Variants in WDPCP observed in about 807,000 individuals in gnomAD.
WDPCP encodes WD repeat containing planar cell polarity effector.
WDPCP carries 71 observed loss-of-function variants against 93.1 expected under a neutral mutation model. The observed-to-expected ratio is 0.76, with a 90% CI of 0.63 to 0.93. The LOEUF is 0.93. Among genes scored for constraint, WDPCP ranks in the 40% least tolerant of loss-of-function variants. The pLI, the probability that WDPCP is intolerant of heterozygous loss-of-function variation, is 0.00. For missense variants in WDPCP, 844 were observed against 887.4 expected, an observed-to-expected ratio of 0.95 and a Z score of 0.62; for synonymous variants, 315 against 315.0, an observed-to-expected ratio of 1.00 and a Z score of 0.00.
Position 63,554,257 on chromosome 2 carries a change from C to T in WDPCP, c.75+33940G>A, listed in dbSNP as rs371543155. On this transcript the variant is annotated intron_variant, in intron 1 of 17. Coordinates refer to ENST00000272321, the MANE Select transcript of WDPCP (RefSeq NM_015910.7). ...TATGTTTCCTTGGAATTAGATGTGG[C>T]TTATGTATTTTTGGCAAGAATACTG... Among the ~76,000 whole-genome samples the T allele has an allele frequency of 6.6e-5, 10 of 152,252 alleles. No individual in the cohort carries two copies. The East Asian group carries it at 9.6e-4, about 15-fold the overall frequency.
At chr2:63,658,341 G>A (rs1322544011) in intron 2 of WDPCP, among the ~76,000 whole-genome samples, 2 of 152,192 alleles carry the variant, frequency 1.3e-5, no homozygotes, top group African/African-American at 2.4e-5. Flanking sequence ...GAAAAAGACA[G>A]AGTAAAATAG....
At chr2:63,558,697 T>C (rs1185331726) in intron 1 of WDPCP, among the ~76,000 whole-genome samples, 1 of 151,990 alleles carries the variant, frequency 6.6e-6, no homozygotes, top group Non-Finnish European at 1.5e-5. Context: ...ATGAATAAAT[T>C]CCTGGACACA....
chr2:63,654,547 G>C (rs747004304), intron 2 of WDPCP, among the ~76,000 whole-genome samples: 15 of 152,266 alleles, frequency 9.9e-5, no homozygotes, highest in Non-Finnish European at 2.2e-4. Flanking sequence ...CAGAGGAAAA[G>C]CTTGATGTGA....
intron 9 of WDPCP, among the ~76,000 whole-genome samples, chr2:63,422,299 G>T (rs1695926967): frequency 6.6e-6 from 1 of 152,136 alleles, no homozygotes; most frequent in Admixed American, 6.5e-5. Context: ...GCCTCCCACT[G>T]GCCTAAGATG....
intron 6 of WDPCP, among the ~76,000 whole-genome samples, chr2:63,462,102 A>G (rs1348568529): frequency 6.6e-6 from 1 of 152,242 alleles, no homozygotes; most frequent in Non-Finnish European, 1.5e-5. Context: ...AACCAACCCA[A>G]ATGTCCATCA....
At chr2:63,806,619 C>T (rs906827216) in intron 2 of WDPCP, among the ~76,000 whole-genome samples, 5 of 152,140 alleles carry the variant, frequency 3.3e-5, no homozygotes, top group Admixed American at 3.3e-4. Flanking sequence ...GGAGACGAGT[C>T]TATCTGACCT....
chr2:63,197,866 T>A (rs1260864957), intron 14 of WDPCP, among the ~76,000 whole-genome samples: 1 of 152,180 alleles, frequency 6.6e-6, no homozygotes, highest in African/African-American at 2.4e-5. Context: ...TGGGCCCACC[T>A]GGATAATACA....
At chr2:63,352,551 C>A (rs1689709563) in intron 12 of WDPCP, among the ~76,000 whole-genome samples, 1 of 152,130 alleles carries the variant, frequency 6.6e-6, no homozygotes, top group Admixed American at 6.6e-5. Flanking sequence ...TTAACTGAAT[C>A]ATGGGATGAA....
chr2:63,728,333 C>T (rs137980710), intron 2 of WDPCP, among the ~76,000 whole-genome samples: 1 of 152,096 alleles, frequency 6.6e-6, no homozygotes, highest in Non-Finnish European at 1.5e-5. Context: ...GCTTACTTGG[C>T]CAAACACCAG....
chr2:63,136,473 A>G (rs1163212416), intron 17 of WDPCP, among the ~76,000 whole-genome samples: 1 of 152,204 alleles, frequency 6.6e-6, no homozygotes, highest in Non-Finnish European at 1.5e-5. Context: ...TCTATTATAT[A>G]CAGACACATA....
intron 6 of WDPCP, among the ~76,000 whole-genome samples, chr2:63,472,818 C>T (rs927671796): frequency 6.6e-6 from 1 of 152,222 alleles, no homozygotes; most frequent in African/African-American, 2.4e-5. Context: ...CCTTGGCCCC[C>T]CAAAGTGCTA....
chr2:63,807,863 T>C (rs959189104), intron 2 of WDPCP, among the ~76,000 whole-genome samples: 10 of 152,354 alleles, frequency 6.6e-5, no homozygotes, highest in African/African-American at 1.9e-4. Flanking sequence ...TAATTTATAG[T>C]ATTTTTAAAA....
chr2:63,680,591 G>A (rs1162619289), intron 2 of WDPCP, among the ~76,000 whole-genome samples: 1 of 152,024 alleles, frequency 6.6e-6, no homozygotes, highest in Non-Finnish European at 1.5e-5. Flanking sequence ...GAAGTCTCTG[G>A]GGTCCTAAAT....
chr2:63,579,311 G>C (rs1316528186), intron 1 of WDPCP, among the ~76,000 whole-genome samples: 1 of 152,090 alleles, frequency 6.6e-6, no homozygotes, highest in Admixed American at 6.5e-5. Context: ...TGCCAAATTA[G>C]AAAAAAGTCA....
At chr2:63,695,236 TCTC>T (rs1419305276) in intron 2 of WDPCP, among the ~76,000 whole-genome samples, 2 of 152,184 alleles carry the variant, frequency 1.3e-5, no homozygotes, top group Admixed American at 1.3e-4. Flanking sequence ...CATTTCTTTG[TCTC>T]CTATGCTTTA....
At chr2:63,693,568 A>G in intron 2 of WDPCP, among the ~76,000 whole-genome samples, 1 of 152,084 alleles carries the variant, frequency 6.6e-6, no homozygotes, top group Non-Finnish European at 1.5e-5. Context: ...GGAAGTAGGA[A>G]AGGTACTACT....
At chr2:63,123,793 A>T (rs1299394571) in intron 17 of WDPCP, among the ~76,000 whole-genome samples, 1 of 151,836 alleles carries the variant, frequency 6.6e-6, no homozygotes, top group Non-Finnish European at 1.5e-5. Context: ...TACAAAACTA[A>T]AGTTAACATG....
chr2:63,297,336 G>A (rs577354914), intron 13 of WDPCP, among the ~76,000 whole-genome samples: 4 of 152,248 alleles, frequency 2.6e-5, no homozygotes, highest in African/African-American at 4.8e-5. Context: ...CCTCAGGTTC[G>A]TCACTCTTGG....
At chr2:63,131,211 A>G (rs1416730133) in intron 17 of WDPCP, among the ~76,000 whole-genome samples, 2 of 152,068 alleles carry the variant, frequency 1.3e-5, no homozygotes, top group Admixed American at 6.6e-5. Flanking sequence ...AGGATTTACT[A>G]TTGCTGGTTT....
Sources: allele counts gnomAD v4.1 joint callset (sites outside exome capture counted in the v4.1 genomes callset), GRCh38; gene constraint gnomAD v4.1.1; transcripts MANE v1.5; gene names NCBI Gene and HGNC (gene_info 2026-07-23, HGNC 2026-07-21).